UBR4: variants seen among roughly 807,000 people sequenced by gnomAD.
UBR4 encodes ubiquitin protein ligase E3 component n-recognin 4, also known as E3 ubiquitin-protein ligase UBR4.
Under a neutral mutation model 575.6 loss-of-function variants are expected in UBR4, and 124 were observed. The ratio of observed to expected loss-of-function variants is 0.22; its 90% confidence interval spans 0.19 to 0.25. The LOEUF is 0.25. Among genes scored for constraint, UBR4 ranks in the 10% least tolerant of loss-of-function variants. The pLI, the probability that UBR4 is intolerant of heterozygous loss-of-function variation, is 1.00. For synonymous variants in UBR4, 2,455 were observed against 2,473.7 expected, an observed-to-expected ratio of 0.99 and a Z score of 0.22; for missense variants, 4,818 against 6,478.8, an observed-to-expected ratio of 0.74 and a Z score of 8.80.
At chr1:19,158,979 T>C (rs2086864368) in intron 39 of UBR4, among the ~76,000 whole-genome samples, 1 of 151,882 alleles carries the variant, frequency 6.6e-6, no homozygotes, top group Non-Finnish European at 1.5e-5. Flanking sequence ...CTATCTCTAC[T>C]AAAAATACAA....
intron 17 of UBR4, among the ~76,000 whole-genome samples, chr1:19,179,860 T>G (rs1162431178): frequency 2.0e-5 from 3 of 152,222 alleles, no homozygotes; most frequent in Non-Finnish European, 4.4e-5. Context: ...ATGCCTGCTT[T>G]CTCACTTGGC....
intron 17 of UBR4, among the ~76,000 whole-genome samples, chr1:19,182,974 A>G (rs1164210666): frequency 1.3e-5 from 2 of 152,246 alleles, no homozygotes; most frequent in Non-Finnish European, 2.9e-5. Context: ...AGGATTCAAG[A>G]CATCAGCTAT....
chr1:19,110,479 G>A lies in UBR4; in HGVS notation c.11893-15C>T, dbSNP rs2079719447. 1.2e-6 allele frequency: 2 copies of A among 1,613,282 alleles called. No homozygotes were observed. Among genetic ancestry groups the A allele is most frequent in the South Asian group, 2.2e-5 (2 of 91,040 alleles). On this transcript the variant is annotated splice_polypyrimidine_tract_variant and intron_variant, in intron 79 of 105. Coordinates refer to ENST00000375254, the MANE Select transcript of UBR4 (RefSeq NM_020765.3). This position sits in a 1 kb window ranked among gnomAD's most constrained non-coding sequence, Gnocchi z 4.5. ...AGGCTACTTGCCTAGAAGGCAATGG[G>A]AAGAGACATGAGTCAAGAGGGTCAG...
Position 19,152,756 on chromosome 1 carries a change from C to A in UBR4, c.6833-280G>T, listed in dbSNP as rs1262706444. ...CTGTAACTGGGTTATTTAAAATAAA[C>A]AATAGGAGCTACTTCTTTAATGAAT... On this transcript the variant is annotated intron_variant, in intron 46 of 105. Coordinates refer to ENST00000375254, the MANE Select transcript of UBR4 (RefSeq NM_020765.3). The surrounding 1 kb of genome is among the most constrained non-coding windows in gnomAD (Gnocchi z 4.4). 6.6e-6 allele frequency among the ~76,000 whole-genome samples: 1 copy of A among 152,154 alleles called. No homozygotes were observed. The highest frequency in any genetic ancestry group is 1.5e-5 in the Non-Finnish European group (1 of 68,012).
In UBR4 at chr1:19,120,317, C is replaced by T. The variant is rs1267866249; in HGVS notation, c.10173G>A (p.Leu3391=). Residue 3391 remains leucine, a synonymous_variant, in exon 69 of 106, where the codon CTG becomes CTA. Transcript: ENST00000375254. ...GETSGSQEDQ[L]CTALVNQLNK... ...TCAGCTGGTTCACCAGAGCTGTGCA[C>T]AGCTGGTCCTCCTGGCTGCCAGAGG... is the stretch of plus-strand genomic sequence containing the variant. The T allele has an allele frequency of 6.2e-7, 1 of 1,614,158 alleles. No individual in the cohort carries two copies. Among genetic ancestry groups the T allele is most frequent in the Admixed American group, 1.7e-5 (1 of 60,032 alleles).
In UBR4 at chr1:19,195,971, C is replaced by T. The variant is rs1202945768; in HGVS notation, c.1018+1170G>A. Among the ~76,000 whole-genome samples, 3 of 18,600 alleles carry T rather than the reference C, an allele frequency of 1.6e-4. No individual in the cohort carries two copies. In the South Asian group the frequency reaches 4.3e-3, roughly 26 times the overall value. The allele number at this position is 18,600 out of a possible 152,430, so 12.2% of individuals were successfully genotyped here. A position where few individuals can be genotyped will look rare whatever the true frequency, so the allele number is the denominator to read the frequency against. The stretch of plus-strand genomic sequence containing the variant: ...CATAAAACCTACAGACTTACTTATA[C>T]ACACACACACACACACACACACACA... On this transcript the variant is annotated intron_variant, in intron 8 of 105. Coordinates refer to ENST00000375254, the MANE Select transcript of UBR4 (RefSeq NM_020765.3).
intron 25 of UBR4, 83 bp from the exon 26 acceptor site, chr1:19,170,966 AC>A: frequency 6.3e-7 from 1 of 1,586,540 alleles, no homozygotes; most frequent in Non-Finnish European, 8.6e-7. Flanking sequence ...CTGGCTGAAA[AC>A]CCTATATCTC....
intron 17 of UBR4, among the ~76,000 whole-genome samples, chr1:19,179,566 T>C (rs2090654949): frequency 6.6e-6 from 1 of 152,238 alleles, no homozygotes; most frequent in Non-Finnish European, 1.5e-5. Context: ...AGCAAACTTC[T>C]TGAACAACTG....
At chr1:19,126,315 C>T (rs537847636) in intron 64 of UBR4, 131 bp downstream of exon 64, 1 of 1,043,584 alleles carries the variant, frequency 9.6e-7, no homozygotes, top group South Asian at 1.5e-5. Flanking sequence ...CGAGATTAAC[C>T]CCCACCAAGG....
At position 19,076,890 on chromosome 1, in the gene UBR4, T is replaced by C. The variant is rs2075995111; in HGVS notation, c.15337A>G (p.Ser5113Gly). The C allele has an allele frequency of 1.3e-6, 2 of 1,563,972 alleles. No individual in the cohort carries two copies. Among genetic ancestry groups the C allele is most frequent in the Non-Finnish European group, 1.7e-6 (2 of 1,157,728 alleles). The change falls in exon 105 of 106, where the codon AGT (serine) becomes GGT (glycine). Residue 5113 changes from serine to glycine, a missense_variant. Ser to Gly is a moderately conservative substitution (Grantham distance 56). Around this residue, in one of 29 missense-constraint regions of UBR4, gnomAD observed 212 missense variants for 221.3 expected, o/e 0.96. Transcript: ENST00000375254. ...IYNMFKKVPT[S>G]NTEGGWSCSL... ...CAGGACCAGCCTCCCTCTGTGTTAC[T>C]GGTAGGCACCTTCTACGAGAATCAA...
rs761393450 is a variant in UBR4 at position 19,192,408 on chromosome 1, T to C, written c.1204-30A>G. On this transcript the variant is annotated intron_variant, in intron 10 of 105. Coordinates refer to ENST00000375254, the MANE Select transcript of UBR4 (RefSeq NM_020765.3). ...TGTGAAAGGCACAAAATAAAAAACA[T>C]AATCATAGAGATATTTACATCTCAG... 6 of 1,613,902 alleles carry C rather than the reference T, an allele frequency of 3.7e-6. No homozygotes were observed. In the African/African-American group the frequency reaches 5.3e-5, roughly 14 times the overall value.
chr1:19,102,540 C>T (rs951492935), intron 87 of UBR4, among the ~76,000 whole-genome samples: 1 of 152,204 alleles, frequency 6.6e-6, no homozygotes. Flanking sequence ...ACTCCTCACT[C>T]TCCACCACTC....
In UBR4 at chr1:19,105,861, A is replaced by T; in HGVS notation, c.12394-19T>A. On this transcript the variant is annotated intron_variant, in intron 83 of 105. Transcript: ENST00000375254. ...AAAGCACCTGCAGGACAGGGGAGAG[A>T]AGGGGTCGTAGACTCAGAGGATGCC... is the stretch of plus-strand genomic sequence containing the variant. The T allele has an allele frequency of 6.4e-7, 1 of 1,551,054 alleles. No homozygotes were observed. The highest frequency in any genetic ancestry group is 8.7e-7 in the Non-Finnish European group (1 of 1,152,926).
chr1:19,085,911 A>ACTT (rs1360266635), intron 101 of UBR4, among the ~76,000 whole-genome samples: 1 of 152,136 alleles, frequency 6.6e-6, no homozygotes, highest in African/African-American at 2.4e-5. Flanking sequence ...CCTGGAAGCT[A>ACTT]AGGGTGCTGG....
At chr1:19,156,196 A>G in intron 42 of UBR4, 75 bp downstream of exon 42, 1 of 1,568,626 alleles carries the variant, frequency 6.4e-7, no homozygotes, top group Non-Finnish European at 8.7e-7. Context: ...TCCTGGGAGA[A>G]GCTAGCACAT....
chr1:19,077,728 C>T lies in UBR4; in HGVS notation c.15324+248G>A, dbSNP rs139572839. The stretch of plus-strand genomic sequence containing the variant: ...AGCCTGGGCAACAAGAACAAAACTC[C>T]GTCTCAAAAAAACCAAACCAAACCA... On this transcript the variant is annotated intron_variant, in intron 104 of 105. Coordinates refer to ENST00000375254, the MANE Select transcript of UBR4 (RefSeq NM_020765.3). 8.7e-4 allele frequency: 1,226 copies of T among 1,404,746 alleles called. 10 individuals are homozygous for T. In the African/African-American group the frequency reaches 0.016, roughly 18 times the overall value. The allele number at this position is 1,404,746 out of a possible 1,614,324, so 87.0% of individuals were successfully genotyped here.
chr1:19,076,009 T>TGCCGCGGCGCCCACAACCTC, intron 105 of UBR4, among the ~76,000 whole-genome samples: 1 of 152,318 alleles, frequency 6.6e-6, no homozygotes, highest in South Asian at 2.1e-4. Flanking sequence ...GGGGCTGTAA[T>TGCCGCGGCGCCCACAACCTC]GCCGCGGCGC....
In UBR4 at chr1:19,186,958, C is replaced by CA. The variant is rs111264965; in HGVS notation, c.1632+205dup. Among the ~76,000 whole-genome samples the CA allele has an allele frequency of 4.3e-3, 657 of 151,984 alleles. 5 individuals are homozygous for CA. Among genetic ancestry groups the CA allele is most frequent in the Middle Eastern group, 0.017 (5 of 294 alleles). On this transcript the variant is annotated intron_variant, in intron 13 of 105. Coordinates refer to ENST00000375254, the MANE Select transcript of UBR4 (RefSeq NM_020765.3). ...CAAAACTGATAATTAATAACTGATTCAAATGTTTGGATAGATTCAACCCGC... is the reference window on the plus strand; with the variant it reads ...CAAAACTGATAATTAATAACTGATTCAAAATGTTTGGATAGATTCAACCCGC...
At chr1:19,199,797 G>A (rs778826120) in intron 2 of UBR4, 43 bp from the exon 3 acceptor site, 48 of 1,552,536 alleles carry the variant, frequency 3.1e-5, no homozygotes, top group African/African-American at 6.8e-5. Context: ...ACTGCTCAGC[G>A]TTGGTCAATA....
Sources: allele counts gnomAD v4.1 joint callset (sites outside exome capture counted in the v4.1 genomes callset), GRCh38; gene constraint gnomAD v4.1.1; regional missense constraint gnomAD v4.1.1; non-coding constraint Gnocchi (gnomAD v3.1); transcripts MANE v1.5; gene names NCBI Gene and HGNC (gene_info 2026-07-23, HGNC 2026-07-21).